The following ATP6V1B1 variants were observed in gnomAD, a reference collection of about 807,000 sequenced individuals.
The protein encoded by ATP6V1B1 is V-type proton ATPase subunit B, kidney isoform.
In ATP6V1B1, 41 loss-of-function variants were observed where a neutral mutation model predicts 62.1. That is an observed-to-expected ratio of 0.66 (90% CI 0.51 to 0.86). ATP6V1B1 has a LOEUF of 0.86. Among genes scored for constraint, ATP6V1B1 ranks in the 40% least tolerant of loss-of-function variants. The pLI, the probability that ATP6V1B1 is intolerant of heterozygous loss-of-function variation, is 0.00. For synonymous variants in ATP6V1B1, 253 were observed against 273.4 expected (o/e 0.93, Z 0.74); for missense variants, 651 against 697.5 (o/e 0.93, Z 0.75).
chr2:70,958,291 C>A lies in ATP6V1B1; in HGVS notation c.274-42C>A, dbSNP rs374454025. 4.0e-4 allele frequency: 636 copies of A among 1,608,506 alleles called. 2 individuals are homozygous for A. Among genetic ancestry groups the A allele is most frequent in the Non-Finnish European group, 5.1e-4 (597 of 1,175,042 alleles). ...CCAGAATGGGTAGCCCCATTCCCTCCAGCAGGCCCCTTAGTGGAGAAACTC... is the reference window on the plus strand; with the variant it reads ...CCAGAATGGGTAGCCCCATTCCCTCAAGCAGGCCCCTTAGTGGAGAAACTC... On this transcript the variant is annotated intron_variant, in intron 3 of 13. Coordinates refer to ENST00000234396, the MANE Select transcript of ATP6V1B1 (RefSeq NM_001692.4).
At chr2:70,938,901 C>A in intron 1 of ATP6V1B1, 1 of 644,302 alleles carries the variant, frequency 1.6e-6, no homozygotes, top group Non-Finnish European at 1.9e-6. Flanking sequence ...AGCTTGAGTG[C>A]CAAACCACTG....
chr2:70,943,967 T>C (rs1680081808), intron 2 of ATP6V1B1: 1 of 972,528 alleles, frequency 1.0e-6, no homozygotes, highest in East Asian at 1.1e-4. Flanking sequence ...TTGGGAAACC[T>C]CCTACTATCC....
intron 7 of ATP6V1B1, 159 bp downstream of exon 7, chr2:70,961,181 C>A: frequency 1.3e-6 from 1 of 784,896 alleles, no homozygotes; most frequent in Non-Finnish European, 2.2e-6. Flanking sequence ...ATGTGTCCCT[C>A]AGGGTGTCCC....
intron 2 of ATP6V1B1, chr2:70,956,113 G>A (rs562750366): frequency 3.4e-4 from 71 of 209,784 alleles, no homozygotes; most frequent in Admixed American, 6.3e-4. Context: ...AGTTTTTATT[G>A]TGCCTGGTGT....
intron 1 of ATP6V1B1, chr2:70,938,830 G>C (rs1379595071): frequency 1.0e-6 from 1 of 980,966 alleles, no homozygotes; most frequent in Non-Finnish European, 1.2e-6. Flanking sequence ...GGTCAGGAAG[G>C]ACAAGCTGGC....
At position 70,959,093 on chromosome 2, in the gene ATP6V1B1, A is replaced by AC; in HGVS notation, c.443_444insC (p.Gly149TrpfsTer24). ...ATGGCGGAGGACTTTCTGGATATCA[A>AC]TGGTGAGTGACTGGAGGTTCTGGAT... On this transcript the variant is annotated frameshift_variant and splice_region_variant, in exon 5 of 14. Coordinates refer to ENST00000234396, the MANE Select transcript of ATP6V1B1 (RefSeq NM_001692.4). LOFTEE classifies it high-confidence loss of function. The surrounding 1 kb of genome is among the most constrained non-coding windows in gnomAD (Gnocchi z 4.2). The AC allele has an allele frequency of 6.2e-7, 1 of 1,614,118 alleles. No homozygotes were observed. Among genetic ancestry groups the AC allele is most frequent in the Non-Finnish European group, 8.5e-7 (1 of 1,180,016 alleles).
At chr2:70,961,083 C>A in intron 7 of ATP6V1B1, 61 bp downstream of exon 7, 1 of 1,502,350 alleles carries the variant, frequency 6.7e-7, no homozygotes. Flanking sequence ...CTGTCTCCCT[C>A]AGCCCCTGGC....
intron 2 of ATP6V1B1, among the ~76,000 whole-genome samples, chr2:70,957,250 AATAT>A (rs55638187): frequency 0.21 from 30,405 of 144,590 alleles, 3,508 homozygotes; most frequent in East Asian, 0.36. Context: ...CACACCTGGC[AATAT>A]ATATATATAT....
intron 4 of ATP6V1B1, 102 bp from the exon 5 acceptor site, chr2:70,958,916 T>G: frequency 5.3e-6 from 6 of 1,142,426 alleles, no homozygotes; most frequent in Non-Finnish European, 7.8e-6. Context: ...AGGGCACTCC[T>G]GTGGGGAGTG....
At chr2:70,943,886 C>T (rs1279052360) in intron 2 of ATP6V1B1, 173 bp downstream of exon 2, 15 of 788,786 alleles carry the variant, frequency 1.9e-5, no homozygotes, top group African/African-American at 1.9e-5. Context: ...TATCCCCAGC[C>T]GTCCAAGCTT....
intron 2 of ATP6V1B1, among the ~76,000 whole-genome samples, chr2:70,944,791 C>T (rs1312153912): frequency 1.3e-5 from 2 of 151,922 alleles, no homozygotes; most frequent in African/African-American, 4.8e-5. Context: ...GCCTCAGCCT[C>T]CCGAGTAGCT....
At chr2:70,962,719 C>G in intron 8 of ATP6V1B1, 58 bp from the exon 9 acceptor site, 1 of 1,607,500 alleles carries the variant, frequency 6.2e-7, no homozygotes. Context: ...AGCCCCCAGG[C>G]TATGTGGTGC....
rs113985534 is a variant in ATP6V1B1 at position 70,943,762 on chromosome 2, G to A, written c.174+49G>A. Reference sequence around the variant, plus strand: ...TGGCACTAAGGCCAAATCCCAGGGCGCCTCTCCCCTGCCCTGCAGGATTTC... The same window carrying A: ...TGGCACTAAGGCCAAATCCCAGGGCACCTCTCCCCTGCCCTGCAGGATTTC... On this transcript the variant is annotated intron_variant, in intron 2 of 13. Coordinates refer to ENST00000234396, the MANE Select transcript of ATP6V1B1 (RefSeq NM_001692.4). 16,575 of 1,604,724 alleles carry A rather than the reference G, an allele frequency of 0.01. 1,478 individuals are homozygous for A. In the African/African-American group the frequency reaches 0.19, roughly 19 times the overall value.
intron 1 of ATP6V1B1, 79 bp from the exon 2 acceptor site, chr2:70,943,579 G>C (rs781926916): frequency 1.0e-5 from 15 of 1,455,280 alleles, no homozygotes; most frequent in Non-Finnish European, 1.3e-5. Context: ...GAGAGAGGAA[G>C]GGAAGGCAGA....
In ATP6V1B1 at chr2:70,962,955, C is replaced by T. The variant is rs1572922785; in HGVS notation, c.909+55C>T. 4.3e-6 allele frequency: 7 copies of T among 1,611,588 alleles called. No homozygotes were observed. In the East Asian group the frequency reaches 1.3e-4, roughly 31 times the overall value. On this transcript the variant is annotated intron_variant, in intron 9 of 13. Transcript: ENST00000234396. Reference sequence around the variant, plus strand: ...CCTCCCTACCCCTCCCTAAGCCTGACACCCCAGACGGTCACCCTGCAAATA... The same window carrying T: ...CCTCCCTACCCCTCCCTAAGCCTGATACCCCAGACGGTCACCCTGCAAATA...
intron 1 of ATP6V1B1, among the ~76,000 whole-genome samples, chr2:70,938,257 A>G (rs782528176): frequency 6.6e-6 from 1 of 151,740 alleles, no homozygotes; most frequent in Non-Finnish European, 1.5e-5. Context: ...AGTGGGAGGG[A>G]TGAGGGGGGT....
chr2:70,945,701 GAT>G (rs35710919), intron 2 of ATP6V1B1, among the ~76,000 whole-genome samples: 4,653 of 82,488 alleles, frequency 0.056, 104 homozygotes, highest in African/African-American at 0.067. Flanking sequence ...TATTTGAAGA[GAT>G]ATATATATAT....
intron 2 of ATP6V1B1, chr2:70,944,263 G>A (rs1419389497): frequency 7.8e-7 from 1 of 1,275,054 alleles, no homozygotes; most frequent in South Asian, 1.2e-5. Flanking sequence ...AGGTAAGTGG[G>A]CTGTGGGCTA....
At position 70,965,227 on chromosome 2, in the gene ATP6V1B1, C is replaced by T. The variant is rs1478027706; in HGVS notation, c.*106C>T. 10 of 1,494,888 alleles carry T rather than the reference C, an allele frequency of 6.7e-6. No homozygotes were observed. The African/African-American group carries it at 8.3e-5, about 12-fold the overall frequency. 92.6% of individuals were successfully genotyped at this position (1,494,888 alleles called of 1,614,324 possible). A position where few individuals can be genotyped will look rare whatever the true frequency, so the allele number is the denominator to read the frequency against. On this transcript the variant is annotated 3_prime_UTR_variant, in exon 14 of 14. Coordinates refer to ENST00000234396, the MANE Select transcript of ATP6V1B1 (RefSeq NM_001692.4). ...AGCGGCTTCTGCGCCGCCCTCCGCC[C>T]TCCGCTGGCTCCGAGGTGGTGGGGG... is the stretch of plus-strand genomic sequence containing the variant.
Sources: allele counts gnomAD v4.1 joint callset (sites outside exome capture counted in the v4.1 genomes callset), GRCh38; gene constraint gnomAD v4.1.1; non-coding constraint Gnocchi (gnomAD v3.1); transcripts MANE v1.5; gene names NCBI Gene and HGNC (gene_info 2026-07-23, HGNC 2026-07-21).